Variants in CDH18 observed in about 807,000 individuals in gnomAD.
CDH18 encodes the protein cadherin-18.
CDH18 carries 31 observed loss-of-function variants against 67.9 expected under a neutral mutation model. The observed-to-expected ratio is 0.46, with a 90% CI of 0.34 to 0.62. CDH18 has a LOEUF of 0.62. Among genes scored for constraint, CDH18 ranks in the 20% least tolerant of loss-of-function variants. CDH18 has a pLI of 0.01. For synonymous variants in CDH18, 362 were observed against 347.2 expected (o/e 1.04, Z -0.48); for missense variants, 890 against 975.5 (o/e 0.91, Z 1.17).
At chr5:20,276,688 A>G (rs1368287458) in intron 1 of CDH18, among the ~76,000 whole-genome samples, 1 of 152,164 alleles carries the variant, frequency 6.6e-6, no homozygotes, top group African/African-American at 2.4e-5. Flanking sequence ...CTTGACCACA[A>G]GGTATAGAGC....
intron 3 of CDH18, among the ~76,000 whole-genome samples, chr5:19,762,743 AC>A (rs1772535192): frequency 6.6e-6 from 1 of 152,210 alleles, no homozygotes; most frequent in Non-Finnish European, 1.5e-5. Flanking sequence ...TGATCCCATT[AC>A]TGGGTATACA....
intron 8 of CDH18, among the ~76,000 whole-genome samples, chr5:19,557,870 T>C (rs116383108): frequency 0.015 from 2,330 of 152,086 alleles, 48 homozygotes; most frequent in African/African-American, 0.052. Context: ...TGGAACATTC[T>C]CCAAGAGAGA....
At chr5:20,479,395 C>T (rs184095349) in intron 1 of CDH18, among the ~76,000 whole-genome samples, 86 of 152,216 alleles carry the variant, frequency 5.6e-4, no homozygotes, top group African/African-American at 2.0e-3. Flanking sequence ...ATTCAGAATA[C>T]TGTCAGACAA....
chr5:20,572,711 C>T (rs1034867984), intron 1 of CDH18, among the ~76,000 whole-genome samples: 2 of 152,044 alleles, frequency 1.3e-5, no homozygotes, highest in African/African-American at 4.8e-5. Flanking sequence ...GAAAGAGCCC[C>T]CTAATGGCTC....
intron 2 of CDH18, among the ~76,000 whole-genome samples, chr5:20,149,312 C>A (rs1461521173): frequency 6.6e-6 from 1 of 152,126 alleles, no homozygotes; most frequent in African/African-American, 2.4e-5. Context: ...ATAAATCCAA[C>A]AATTTTTATA....
chr5:20,515,906 T>C (rs1755339478), intron 1 of CDH18, among the ~76,000 whole-genome samples: 1 of 152,062 alleles, frequency 6.6e-6, no homozygotes, highest in South Asian at 2.1e-4. Context: ...GTTAAGTTGC[T>C]TGACTAATTG....
intron 2 of CDH18, among the ~76,000 whole-genome samples, chr5:19,927,691 T>C (rs988184746): frequency 1.3e-5 from 2 of 152,134 alleles, no homozygotes; most frequent in Non-Finnish European, 2.9e-5. Context: ...TTTTTGGAGA[T>C]TATGTATAAA....
intron 4 of CDH18, among the ~76,000 whole-genome samples, chr5:19,724,426 T>C (rs1370511231): frequency 1.3e-5 from 2 of 152,078 alleles, no homozygotes; most frequent in East Asian, 3.9e-4. Flanking sequence ...TTGGAGCTGT[T>C]CAATATTTTG....
intron 1 of CDH18, among the ~76,000 whole-genome samples, chr5:20,270,704 T>G (rs1319160958): frequency 6.6e-6 from 1 of 152,104 alleles, no homozygotes; most frequent in East Asian, 1.9e-4. Context: ...TACAGCCCTA[T>G]TCACAATAGC....
At chr5:19,805,996 G>A (rs1343671681) in intron 3 of CDH18, among the ~76,000 whole-genome samples, 3 of 152,130 alleles carry the variant, frequency 2.0e-5, no homozygotes, top group South Asian at 2.1e-4. Flanking sequence ...ACCCATCCAC[G>A]TTCTCTGGCA....
chr5:19,808,204 T>C (rs990094612), intron 3 of CDH18, among the ~76,000 whole-genome samples: 4 of 151,666 alleles, frequency 2.6e-5, no homozygotes, highest in African/African-American at 9.7e-5. Flanking sequence ...GTATGTTGCA[T>C]AAGAAACAAA....
chr5:20,476,816 T>C (rs775795604), intron 1 of CDH18, among the ~76,000 whole-genome samples: 1 of 152,206 alleles, frequency 6.6e-6, no homozygotes, highest in African/African-American at 2.4e-5. Context: ...ATGTATCTAT[T>C]TGAAGAACAG....
chr5:20,173,307 A>G (rs1487802922), intron 2 of CDH18, among the ~76,000 whole-genome samples: 1 of 152,176 alleles, frequency 6.6e-6, no homozygotes, highest in East Asian at 1.9e-4. Flanking sequence ...CAAGGAAACT[A>G]AAAAGCAAAT....
intron 9 of CDH18, among the ~76,000 whole-genome samples, chr5:19,537,057 G>A (rs1350210359): frequency 2.0e-5 from 3 of 152,158 alleles, no homozygotes; most frequent in African/African-American, 7.2e-5. Context: ...GCTCAGATAT[G>A]TATAGTTACA....
chr5:19,696,736 C>T (rs1032867122), intron 5 of CDH18, among the ~76,000 whole-genome samples: 16 of 152,104 alleles, frequency 1.1e-4, no homozygotes, highest in Admixed American at 2.0e-4. Flanking sequence ...TATGATTTAT[C>T]ATCTATGATG....
At chr5:20,292,966 A>G (rs1210246248) in intron 1 of CDH18, among the ~76,000 whole-genome samples, 1 of 152,132 alleles carries the variant, frequency 6.6e-6, no homozygotes, top group African/African-American at 2.4e-5. Context: ...GGGTTTCAAC[A>G]TATCTTTTAG....
chr5:20,047,511 CAT>C (rs949553143), intron 2 of CDH18, among the ~76,000 whole-genome samples: 41 of 151,926 alleles, frequency 2.7e-4, no homozygotes, highest in African/African-American at 6.5e-4. Flanking sequence ...AAGTGCAACA[CAT>C]GTCAGAAACA....
chr5:20,500,868 C>T (rs1224048463), intron 1 of CDH18, among the ~76,000 whole-genome samples: 1 of 152,102 alleles, frequency 6.6e-6, no homozygotes, highest in Non-Finnish European at 1.5e-5. Flanking sequence ...TAACATTGAA[C>T]ATTAATGTTG....
intron 8 of CDH18, among the ~76,000 whole-genome samples, chr5:19,556,840 C>A (rs954543494): frequency 2.6e-5 from 4 of 152,072 alleles, no homozygotes; most frequent in Admixed American, 2.6e-4. Context: ...TATCTAATGT[C>A]AAGATGAAGG....
Sources: allele counts gnomAD v4.1 joint callset (sites outside exome capture counted in the v4.1 genomes callset), GRCh38; gene constraint gnomAD v4.1.1; transcripts MANE v1.5; gene names NCBI Gene and HGNC (gene_info 2026-07-23, HGNC 2026-07-21).